Variants in NRF1 observed in about 807,000 individuals in gnomAD.
NRF1 encodes alpha palindromic-binding protein.
In NRF1, 5 loss-of-function variants were observed where a neutral mutation model predicts 58.5. The observed-to-expected ratio is 0.09, with a 90% CI of 0.04 to 0.18. The LOEUF (loss-of-function observed/expected upper bound fraction) is 0.18, where lower values mean the gene tolerates loss of function less well. Ranked by LOEUF, NRF1 falls within the 10% of genes least tolerant of loss-of-function variation. The pLI, the probability that NRF1 is intolerant of heterozygous loss-of-function variation, is 1.00. For synonymous variants in NRF1, 224 were observed against 246.7 expected (o/e 0.91, Z 0.86); for missense variants, 288 against 657.7 (o/e 0.44, Z 6.15).
intron 2 of NRF1, among the ~76,000 whole-genome samples, chr7:129,660,808 A>G (rs1425713395): frequency 6.6e-6 from 1 of 150,812 alleles, no homozygotes; most frequent in Non-Finnish European, 1.5e-5. Context: ...TGGGGGCTGG[A>G]GGACAGTGGC....
At chr7:129,663,355 G>T (rs926952353) in intron 2 of NRF1, among the ~76,000 whole-genome samples, 3 of 148,604 alleles carry the variant, frequency 2.0e-5, no homozygotes, top group Non-Finnish European at 4.5e-5. Flanking sequence ...GGGCAGAGGC[G>T]CACCTCACTT....
chr7:129,639,586 C>T (rs1338533962), intron 1 of NRF1, among the ~76,000 whole-genome samples: 1 of 150,822 alleles, frequency 6.6e-6, no homozygotes, highest in Non-Finnish European at 1.5e-5. Flanking sequence ...TGCTCTGTCG[C>T]CCAGGCTGCA....
Position 129,755,041 on chromosome 7 carries a change from A to G in NRF1, c.1372A>G (p.Met458Val). 6.2e-7 allele frequency: 1 copy of G among 1,612,846 alleles called. No individual in the cohort carries two copies. The highest frequency in any genetic ancestry group is 8.5e-7 in the Non-Finnish European group (1 of 1,179,578). ...AGGCCTGGTCCAGATCCCTGTGAGC[A>G]TGTACCAGACTGTGGTGACCAGCCT... The part of the protein sequence containing the change: ...ANGLVQIPVS[M>V]YQTVVTSLAQ... Residue 458 changes from methionine (M) to valine (V), a missense_variant, in exon 11 of 11, where the codon ATG becomes GTG. Around this residue, in one of 3 missense-constraint regions of NRF1, gnomAD observed 212 missense variants for 559.7 expected, o/e 0.38. Transcript: ENST00000393232. This position sits in a 1 kb window ranked among gnomAD's most constrained non-coding sequence, Gnocchi z 5.8.
At chr7:129,688,327 A>G (rs1562970954) in intron 4 of NRF1, among the ~76,000 whole-genome samples, 1 of 152,106 alleles carries the variant, frequency 6.6e-6, no homozygotes, top group South Asian at 2.1e-4. Context: ...GGGTCTCACC[A>G]TGTTGCCTAG....
At chr7:129,750,180 G>A (rs1804080299) in intron 10 of NRF1, among the ~76,000 whole-genome samples, 1 of 152,148 alleles carries the variant, frequency 6.6e-6, no homozygotes, top group Non-Finnish European at 1.5e-5. Flanking sequence ...AGAACACGAA[G>A]GGCTTCCTGT....
rs1554401550 is a variant in NRF1, at chr7:129,619,510, A to ATATG, written c.-7+7690_-7+7693dup. Among the ~76,000 whole-genome samples the ATATG allele has an allele frequency of 2.1e-4, 26 of 121,532 alleles. 2 individuals carry two copies. The highest frequency in any genetic ancestry group is 8.0e-4 in the African/African-American group (26 of 32,690). 79.7% of individuals were successfully genotyped at this position (121,532 alleles called of 152,430 possible). Reference sequence around the variant, plus strand: ...TGTGTGTATATATATATATATATATATATGTATTGTTTTGCTGGGAACCAT... The same window carrying ATATG: ...TGTGTGTATATATATATATATATATATATGTATGTATTGTTTTGCTGGGAACCAT... On this transcript the variant is annotated intron_variant, in intron 1 of 10. Transcript: ENST00000393232.
chr7:129,632,803 A>G (rs1463036630), intron 1 of NRF1, among the ~76,000 whole-genome samples: 1 of 152,204 alleles, frequency 6.6e-6, no homozygotes, highest in African/African-American at 2.4e-5. Flanking sequence ...TGAAAGTAAT[A>G]CATGTTTTTT....
Position 129,657,366 on chromosome 7 carries a change from A to G in NRF1, c.15A>G (p.Gly5=). The G allele has an allele frequency of 6.2e-7, 1 of 1,614,030 alleles. No homozygotes were observed. The highest frequency in any genetic ancestry group is 1.1e-5 in the South Asian group (1 of 91,076). The change falls in exon 2 of 11, where the codon GGA becomes GGG. Residue 5 remains glycine, a synonymous_variant. Transcript: ENST00000393232. ...AGTAGAACTTCATGGAGGAACACGG[A>G]GTGACCCAAACCGAACATATGGCTA... MEEH[G]VTQTEHMATI... is the part of the protein sequence containing the mutation.
At chr7:129,708,211 A>C (rs7802940) in intron 5 of NRF1, among the ~76,000 whole-genome samples, 128,827 of 152,138 alleles carry the variant, frequency 0.85, 55,247 homozygotes, top group East Asian at 0.94. Context: ...TAGATCATAA[A>C]TTGATAAACT....
At chr7:129,656,650 C>T (rs535868439) in intron 1 of NRF1, among the ~76,000 whole-genome samples, 46 of 152,124 alleles carry the variant, frequency 3.0e-4, no homozygotes, top group Non-Finnish European at 5.4e-4. Flanking sequence ...CCTTGGCTCA[C>T]TGCAACCTCT....
chr7:129,631,254 G>A (rs1801042118), intron 1 of NRF1, among the ~76,000 whole-genome samples: 1 of 146,580 alleles, frequency 6.8e-6, no homozygotes, highest in African/African-American at 2.5e-5. Flanking sequence ...TTTTTTTTGA[G>A]ACAGGGTCTT....
Position 129,755,884 on chromosome 7 carries a change from G to T in NRF1, c.*703G>T, listed in dbSNP as rs1440125906. ...TGCCAGCTGAGATGCTCCTCGGGCT[G>T]GCCCAGGTGCTGACCTTGCCACAGG... On this transcript the variant is annotated 3_prime_UTR_variant, in exon 11 of 11. Transcript: ENST00000393232. This position sits in a 1 kb window ranked among gnomAD's most constrained non-coding sequence, Gnocchi z 5.8. The T allele has an allele frequency of 2.0e-5, 3 of 152,676 alleles. No individual in the cohort carries two copies. Among genetic ancestry groups the T allele is most frequent in the Non-Finnish European group, 4.4e-5 (3 of 68,118 alleles). The allele number at this position is 152,676 out of a possible 1,614,324, so 9.5% of individuals were successfully genotyped here. A position where few individuals can be genotyped will look rare whatever the true frequency, so the allele number is the denominator to read the frequency against.
At chr7:129,664,034 A>G (rs1801863830) in intron 2 of NRF1, among the ~76,000 whole-genome samples, 1 of 150,454 alleles carries the variant, frequency 6.6e-6, no homozygotes, top group Admixed American at 6.6e-5. Context: ...CCGAGGCAGG[A>G]GAATCACCGG....
At chr7:129,658,898 A>G (rs1801720695) in intron 2 of NRF1, among the ~76,000 whole-genome samples, 1 of 152,194 alleles carries the variant, frequency 6.6e-6, no homozygotes. Context: ...TTTACACTGT[A>G]TTAGGTATTA....
At chr7:129,614,227 G>A (rs993230906) in intron 1 of NRF1, among the ~76,000 whole-genome samples, 13 of 151,816 alleles carry the variant, frequency 8.6e-5, no homozygotes, top group Non-Finnish European at 1.8e-4. Context: ...GCGATTCTTC[G>A]GCCTCAGCCT....
At chr7:129,681,176 G>A (rs537247518) in intron 4 of NRF1, among the ~76,000 whole-genome samples, 3 of 152,310 alleles carry the variant, frequency 2.0e-5, no homozygotes, top group Admixed American at 6.5e-5. Flanking sequence ...GAGGGGGTCC[G>A]GAGCCAGTGA....
intron 4 of NRF1, among the ~76,000 whole-genome samples, chr7:129,685,504 T>A (rs1163075993): frequency 6.6e-6 from 1 of 151,956 alleles, no homozygotes; most frequent in Non-Finnish European, 1.5e-5. Flanking sequence ...TATGTATATT[T>A]AAAATATTTT....
chr7:129,645,537 A>G (rs1360150238), intron 1 of NRF1, among the ~76,000 whole-genome samples: 1 of 152,234 alleles, frequency 6.6e-6, no homozygotes, highest in Non-Finnish European at 1.5e-5. Context: ...AGGTCTACGC[A>G]GTCCGCTAGG....
In NRF1 at chr7:129,709,125, G is replaced by A. The variant is rs201264014; in HGVS notation, c.657G>A (p.Arg219=). The A allele has an allele frequency of 3.8e-5, 61 of 1,597,896 alleles. 1 individual carries two copies. Among genetic ancestry groups the A allele is most frequent in the Non-Finnish European group, 5.1e-6 (6 of 1,171,400 alleles). Residue 219 remains arginine (R), a synonymous_variant, in exon 6 of 11, where the codon CGG becomes CGA. Coordinates refer to ENST00000393232, the MANE Select transcript of NRF1 (RefSeq NM_005011.5). ...AGATGCTCAAGTACTCTACAGGTCG[G>A]GGAAAACCAGGCTGGGGGAAAGAAA... ...IPEMLKYSTG[R]GKPGWGKESC... is the part of the protein sequence containing the mutation.
Sources: allele counts gnomAD v4.1 joint callset (sites outside exome capture counted in the v4.1 genomes callset), GRCh38; gene constraint gnomAD v4.1.1; regional missense constraint gnomAD v4.1.1; non-coding constraint Gnocchi (gnomAD v3.1); transcripts MANE v1.5; gene names NCBI Gene and HGNC (gene_info 2026-07-23, HGNC 2026-07-21).